The following TSKU variants were observed in gnomAD, a reference collection of about 807,000 sequenced individuals.
TSKU encodes tsukushi, small leucine rich proteoglycan.
In TSKU, 4 loss-of-function variants were observed where a neutral mutation model predicts 11.2. The ratio of observed to expected loss-of-function variants is 0.36; its 90% CI spans 0.18 to 0.82. The LOEUF is 0.82. Ranked by LOEUF, TSKU falls within the 40% of genes least tolerant of loss-of-function variation. TSKU has a pLI of 0.50. For synonymous variants in TSKU, 220 were observed against 232.2 expected (o/e 0.95, Z 0.48); for missense variants, 407 against 482.5 (o/e 0.84, Z 1.47).
At chr11:76,790,187 A>G (rs1401918700) in intron 1 of TSKU, among the ~76,000 whole-genome samples, 2 of 152,174 alleles carry the variant, frequency 1.3e-5, no homozygotes, top group Non-Finnish European at 2.9e-5. Flanking sequence ...AAACTGAGGC[A>G]CAGAAGGGGG....
intron 1 of TSKU, among the ~76,000 whole-genome samples, chr11:76,788,679 C>A (rs1030769063): frequency 6.6e-6 from 1 of 152,196 alleles, no homozygotes; most frequent in African/African-American, 2.4e-5. Context: ...ACCCTCGGAG[C>A]GGGTCCCAAG....
At chr11:76,788,885 A>C (rs1384440749) in intron 1 of TSKU, among the ~76,000 whole-genome samples, 1 of 152,184 alleles carries the variant, frequency 6.6e-6, no homozygotes, top group African/African-American at 2.4e-5. Context: ...ACAGCAGGTA[A>C]CTCACGGCAG....
Position 76,796,284 on chromosome 11 carries a change from G to C in TSKU, c.668G>C (p.Gly223Ala). The C allele has an allele frequency of 6.2e-7, 1 of 1,613,334 alleles. No homozygotes were observed. The highest frequency in any genetic ancestry group is 8.5e-7 in the Non-Finnish European group (1 of 1,179,994). The change falls in exon 2 of 2, where the codon GGT (glycine) becomes GCT (alanine). Residue 223 changes from glycine (G) to alanine (A), a missense_variant. Physicochemically the swap from Gly to Ala is moderately conservative, Grantham distance 60. Transcript: ENST00000333090. This position sits in a 1 kb window ranked among gnomAD's most constrained non-coding sequence, Gnocchi z 4.1. ...AACCCTCTAGCTGTCATTGGTCCGG[G>C]TGCCTTCGCGGGGCTGGGAGGCCTT... ...DGNPLAVIGP[G>A]AFAGLGGLTH...
intron 1 of TSKU, among the ~76,000 whole-genome samples, chr11:76,787,122 A>G (rs369433503): frequency 6.6e-6 from 1 of 152,106 alleles, no homozygotes; most frequent in African/African-American, 2.4e-5. Context: ...TCACCATATT[A>G]CAGACGAGGA....
chr11:76,795,961 CAG>C lies in TSKU; in HGVS notation c.346_347del (p.Ser116ProfsTer23). 1 of 1,614,002 alleles carries C rather than the reference CAG, an allele frequency of 6.2e-7. No individual in the cohort carries two copies. Among genetic ancestry groups the C allele is most frequent in the Non-Finnish European group, 8.5e-7 (1 of 1,180,036 alleles). Reference protein sequence around the residue: ...RLRYLESLDLSHNGLTALPAE... With the variant: ...RLRYLESLDLXHNGLTALPAE... The stretch of plus-strand genomic sequence containing the variant: ...TTCGCTACCTGGAGTCGCTTGACCT[CAG>C]CCACAATGGCCTGACAGCCCTGCCA... On this transcript the variant is annotated frameshift_variant, in exon 2 of 2. Coordinates refer to ENST00000333090, the MANE Select transcript of TSKU (RefSeq NM_015516.4). LOFTEE classifies it high-confidence loss of function.
rs1487777575 is a variant in TSKU at position 76,797,431 on chromosome 11, A to G, written c.*753A>G. 6 of 167,192 alleles carry G rather than the reference A, an allele frequency of 3.6e-5. No homozygotes were observed. The highest frequency in any genetic ancestry group is 2.6e-4 in the Admixed American group (4 of 15,288). The allele number at this position is 167,192 out of a possible 1,614,324, so 10.4% of individuals were successfully genotyped here. A position where few individuals can be genotyped will look rare whatever the true frequency, so the allele number is the denominator to read the frequency against. On this transcript the variant is annotated 3_prime_UTR_variant, in exon 2 of 2. Coordinates refer to ENST00000333090, the MANE Select transcript of TSKU (RefSeq NM_015516.4). ...TTAGCACAGGAGTAGCAGCAGCAGG[A>G]CAGGCAAGAGCCTCACAAGTGGGAC...
intron 1 of TSKU, among the ~76,000 whole-genome samples, chr11:76,789,992 A>G (rs1944349455): frequency 6.6e-6 from 1 of 151,508 alleles, no homozygotes; most frequent in African/African-American, 2.4e-5. Context: ...TGTAAGCCCC[A>G]TGAGGACAGG....
Position 76,797,010 on chromosome 11 carries a change from A to T in TSKU, c.*332A>T. The T allele has an allele frequency of 1.2e-4, 23 of 193,846 alleles. No homozygotes were observed. Among genetic ancestry groups the T allele is most frequent in the East Asian group, 5.7e-4 (4 of 7,014 alleles). The allele number at this position is 193,846 out of a possible 1,614,324, so 12.0% of individuals were successfully genotyped here. On this transcript the variant is annotated 3_prime_UTR_variant, in exon 2 of 2. Coordinates refer to ENST00000333090, the MANE Select transcript of TSKU (RefSeq NM_015516.4). ...GGCCGGCCTGACCCGCAATGGGCAG[A>T]GGGTGGGTGGGACCCCCTGCTGCAG...
chr11:76,783,415 T>C lies in TSKU; in HGVS notation c.-9+11T>C, dbSNP rs1342297332. On this transcript the variant is annotated intron_variant, in intron 1 of 1. Transcript: ENST00000333090. ...GGCGCAGGCTTCCAGGTGAGTGCAG[T>C]TCCCCGGGCGGGGCGAGAGTCCGCG... 1 of 150,118 alleles carries C rather than the reference T, an allele frequency of 6.7e-6. No individual in the cohort carries two copies. The highest frequency in any genetic ancestry group is 1.5e-5 in the Non-Finnish European group (1 of 67,332). The allele number at this position is 150,118 out of a possible 1,614,324, so 9.3% of individuals were successfully genotyped here. A position where few individuals can be genotyped will look rare whatever the true frequency, so the allele number is the denominator to read the frequency against.
At chr11:76,790,699 G>A (rs1026050170) in intron 1 of TSKU, among the ~76,000 whole-genome samples, 9 of 152,062 alleles carry the variant, frequency 5.9e-5, no homozygotes, top group African/African-American at 9.7e-5. Flanking sequence ...GACCTTCCCC[G>A]GCCACGTGGA....
At position 76,796,361 on chromosome 11, in the gene TSKU, G is replaced by A. The variant is rs1345582033; in HGVS notation, c.745G>A (p.Gly249Ser). The change falls in exon 2 of 2, where the codon GGC becomes AGC. Residue 249 changes from glycine (G) to serine (S), a missense_variant. By Grantham distance (56) the Gly-to-Ser change is moderately conservative. Coordinates refer to ENST00000333090, the MANE Select transcript of TSKU (RefSeq NM_015516.4). This position sits in a 1 kb window ranked among gnomAD's most constrained non-coding sequence, Gnocchi z 4.1. Reference sequence around the variant, plus strand: ...GAGGCTCCCTGAGCTGGCGCCCAGTGGCTTCCGTGAGCTACCGGGCCTGCA... The same window carrying A: ...GAGGCTCCCTGAGCTGGCGCCCAGTAGCTTCCGTGAGCTACCGGGCCTGCA... ...LQRLPELAPS[G>S]FRELPGLQVL... 6 of 1,613,218 alleles carry A rather than the reference G, an allele frequency of 3.7e-6. No individual in the cohort carries two copies. The highest frequency in any genetic ancestry group is 1.6e-4 in the Middle Eastern group (1 of 6,084).
chr11:76,783,897 C>G (rs887830345), intron 1 of TSKU, among the ~76,000 whole-genome samples: 3 of 152,142 alleles, frequency 2.0e-5, no homozygotes, highest in Non-Finnish European at 2.9e-5. Flanking sequence ...GAGCCCAACG[C>G]CGCCCCACCC....
intron 1 of TSKU, among the ~76,000 whole-genome samples, chr11:76,794,183 TAGA>T (rs1335349841): frequency 1.3e-5 from 2 of 152,290 alleles, no homozygotes; most frequent in Admixed American, 6.5e-5. Flanking sequence ...TTGGTCTAGT[TAGA>T]AGCTCCCACT....
chr11:76,789,356 G>GT (rs1944342547), intron 1 of TSKU, among the ~76,000 whole-genome samples: 1 of 152,226 alleles, frequency 6.6e-6, no homozygotes, highest in Non-Finnish European at 1.5e-5. Context: ...ATTTCTGTAG[G>GT]TAAAAAGCAG....
intron 1 of TSKU, among the ~76,000 whole-genome samples, chr11:76,783,953 C>G (rs1013785309): frequency 6.8e-6 from 1 of 147,504 alleles, no homozygotes; most frequent in Admixed American, 6.7e-5. Flanking sequence ...TGGCTCCAAA[C>G]TTTTCTCCCG....
At position 76,796,469 on chromosome 11, in the gene TSKU, G is replaced by A. The variant is rs1188113783; in HGVS notation, c.853G>A (p.Asp285Asn). 6.2e-7 allele frequency: 1 copy of A among 1,613,136 alleles called. No homozygotes were observed. The highest frequency in any genetic ancestry group is 8.5e-7 in the Non-Finnish European group (1 of 1,179,870). ...FSGLSSLQEL[D>N]LSGTNLVPLP... ...AGGCCTGAGCTCCCTGCAGGAGCTGGACCTTTCGGGCACCAACCTGGTGCC... is the reference window on the plus strand; with the variant it reads ...AGGCCTGAGCTCCCTGCAGGAGCTGAACCTTTCGGGCACCAACCTGGTGCC... The change falls in exon 2 of 2, where the codon GAC becomes AAC. Residue 285 changes from aspartate to asparagine, a missense_variant. Transcript: ENST00000333090. This position sits in a 1 kb window ranked among gnomAD's most constrained non-coding sequence, Gnocchi z 4.1.
intron 1 of TSKU, chr11:76,791,793 A>G (rs183839629): frequency 5.9e-5 from 9 of 152,372 alleles, no homozygotes; most frequent in Admixed American, 5.2e-4. Flanking sequence ...ACCTCTGCCT[A>G]GATTTCAGAA....
chr11:76,796,003 C>A lies in TSKU; in HGVS notation c.387C>A (p.Thr129=). The change falls in exon 2 of 2, where the codon ACC becomes ACA. Residue 129 remains threonine (T), a synonymous_variant. Transcript: ENST00000333090. The surrounding 1 kb of genome is among the most constrained non-coding windows in gnomAD (Gnocchi z 4.1). ...CAGCCCTGCCAGCCGAGAGCTTCAC[C>A]AGCTCACCCCTGAGCGACGTGAACC... ...GLTALPAESF[T]SSPLSDVNLS... is the part of the protein sequence containing the mutation. The A allele has an allele frequency of 6.2e-7, 1 of 1,613,986 alleles. No individual in the cohort carries two copies.
In TSKU at chr11:76,796,811, G is replaced by A. The variant is rs1944459997; in HGVS notation, c.*133G>A. ...ATGTGGCAGCGTCACCACAGGAGTTGTGGGCCTAGGAGAGGCTTTGGACCT... is the reference window on the plus strand; with the variant it reads ...ATGTGGCAGCGTCACCACAGGAGTTATGGGCCTAGGAGAGGCTTTGGACCT... On this transcript the variant is annotated 3_prime_UTR_variant, in exon 2 of 2. Transcript: ENST00000333090. This position sits in a 1 kb window ranked among gnomAD's most constrained non-coding sequence, Gnocchi z 4.1. 1.5e-6 allele frequency: 1 copy of A among 652,588 alleles called. No individual in the cohort carries two copies. The highest frequency in any genetic ancestry group is 5.7e-5 in the South Asian group (1 of 17,636). 40.4% of individuals were successfully genotyped at this position (652,588 alleles called of 1,614,324 possible). A position where few individuals can be genotyped will look rare whatever the true frequency, so the allele number is the denominator to read the frequency against.
Sources: gnomAD v4.1 joint callset for allele counts (sites outside exome capture counted in the v4.1 genomes callset) on GRCh38, gnomAD v4.1.1 for gene constraint, Gnocchi (gnomAD v3.1) non-coding constraint, MANE v1.5 for transcripts, NCBI Gene and HGNC (gene_info 2026-07-23, HGNC 2026-07-21) for gene names.